The following ZBTB38 variants were observed in gnomAD, a reference collection of about 807,000 sequenced individuals.
ZBTB38 encodes zinc finger and BTB domain containing 38.
Under a neutral mutation model 76.8 loss-of-function variants are expected in ZBTB38, and 20 were observed. That is an observed-to-expected ratio of 0.26 (90% confidence interval 0.18 to 0.38). ZBTB38 has a LOEUF of 0.38. Among genes scored for constraint, ZBTB38 ranks in the 10% least tolerant of loss-of-function variants. The probability of loss-of-function intolerance (pLI) is 1.00; values close to 1 mark genes in which losing one functional copy is unlikely to be tolerated. For missense variants in ZBTB38, 1,082 were observed against 1,482.3 expected (o/e 0.73, Z 4.43); for synonymous variants, 504 against 544.2 (o/e 0.93, Z 1.03).
At chr3:141,419,711 G>A (rs987207215) in intron 5 of ZBTB38, among the ~76,000 whole-genome samples, 1 of 152,170 alleles carries the variant, frequency 6.6e-6, no homozygotes, top group Non-Finnish European at 1.5e-5. Flanking sequence ...TGTAGGCCAG[G>A]CACAGTGGCT....
At position 141,445,460 on chromosome 3, in the gene ZBTB38, A is replaced by G. The variant is rs2080990199; in HGVS notation, c.3072A>G (p.Thr1024=). The G allele has an allele frequency of 6.2e-7, 1 of 1,614,072 alleles. No individual in the cohort carries two copies. Among genetic ancestry groups the G allele is most frequent in the Non-Finnish European group, 8.5e-7 (1 of 1,180,006 alleles). The change falls in exon 6 of 6, where the codon ACA becomes ACG. Residue 1024 remains threonine (T), a synonymous_variant. Coordinates refer to ENST00000321464, the MANE Select transcript of ZBTB38 (RefSeq NM_001376113.1). This position sits in a 1 kb window ranked among gnomAD's most constrained non-coding sequence, Gnocchi z 6.5. ...LCAKQFQSPS[T]LKMHMRCHTG... ...CCAAGCAGTTCCAGAGCCCTTCCACACTCAAAATGCACATGAGATGTCACA... is the reference window on the plus strand; with the variant it reads ...CCAAGCAGTTCCAGAGCCCTTCCACGCTCAAAATGCACATGAGATGTCACA...
intron 1 of ZBTB38, among the ~76,000 whole-genome samples, chr3:141,341,969 G>A (rs1439822255): frequency 6.6e-6 from 1 of 152,166 alleles, no homozygotes; most frequent in Non-Finnish European, 1.5e-5. Context: ...ATTTCAGGGT[G>A]AAACGTTAGA....
chr3:141,426,220 A>G, intron 5 of ZBTB38: 2 of 1,287,678 alleles, frequency 1.6e-6, no homozygotes, highest in Non-Finnish European at 2.0e-6. Flanking sequence ...CGTGCGGACT[A>G]TATATCTTGG....
chr3:141,411,982 A>G (rs777965643), intron 5 of ZBTB38, among the ~76,000 whole-genome samples: 2 of 152,176 alleles, frequency 1.3e-5, no homozygotes, highest in Non-Finnish European at 2.9e-5. Context: ...CGTTTCTGAT[A>G]AGAAGATTTG....
In ZBTB38 at chr3:141,445,724, C is replaced by G; in HGVS notation, c.3336C>G (p.His1112Gln). 1 of 1,614,176 alleles carries G rather than the reference C, an allele frequency of 6.2e-7. No individual in the cohort carries two copies. Among genetic ancestry groups the G allele is most frequent in the Non-Finnish European group, 8.5e-7 (1 of 1,180,028 alleles). Residue 1112 changes from histidine (H) to glutamine (Q), a missense_variant, in exon 6 of 6, where the codon CAC (histidine) becomes CAG (glutamine). His to Gln is a conservative substitution (Grantham distance 24). Transcript: ENST00000321464. This position sits in a 1 kb window ranked among gnomAD's most constrained non-coding sequence, Gnocchi z 6.5. ...RFLYLSTKRN[H>Q]EQRHIREHNG... ...TGTATCTCTCCACCAAAAGGAATCACGAGCAGAGGCATATTCGGGAGCATA... is the reference window on the plus strand; with the variant it reads ...TGTATCTCTCCACCAAAAGGAATCAGGAGCAGAGGCATATTCGGGAGCATA...
chr3:141,342,123 G>A (rs561751688), intron 1 of ZBTB38, among the ~76,000 whole-genome samples: 1 of 152,082 alleles, frequency 6.6e-6, no homozygotes, highest in African/African-American at 2.4e-5. Flanking sequence ...TCAGGAGATC[G>A]AGACTATCCT....
At chr3:141,403,303 A>G (rs558552984) in intron 4 of ZBTB38, among the ~76,000 whole-genome samples, 2 of 152,378 alleles carry the variant, frequency 1.3e-5, no homozygotes, top group Admixed American at 1.3e-4. Context: ...TCAGATTCTC[A>G]TGGTTACAAA....
chr3:141,430,365 C>T (rs894538759), intron 5 of ZBTB38, among the ~76,000 whole-genome samples: 3 of 152,180 alleles, frequency 2.0e-5, no homozygotes, highest in African/African-American at 7.2e-5. Context: ...CCACGCCCGG[C>T]CTCATTTGTA....
At chr3:141,395,184 C>A (rs988590522) in intron 4 of ZBTB38, among the ~76,000 whole-genome samples, 21 of 152,178 alleles carry the variant, frequency 1.4e-4, no homozygotes, top group African/African-American at 4.8e-4. Flanking sequence ...TTGGGCATGG[C>A]AGAACAATTG....
chr3:141,332,888 G>A (rs1007630273), intron 1 of ZBTB38, among the ~76,000 whole-genome samples: 3 of 152,168 alleles, frequency 2.0e-5, no homozygotes, highest in Admixed American at 6.5e-5. Flanking sequence ...ATTCATACCC[G>A]ACATTCAGTG....
intron 4 of ZBTB38, among the ~76,000 whole-genome samples, chr3:141,398,543 G>T (rs1189070313): frequency 6.6e-6 from 1 of 151,940 alleles, no homozygotes; most frequent in Non-Finnish European, 1.5e-5. Flanking sequence ...AAAACTTTAT[G>T]AAAATCTTAA....
chr3:141,409,758 T>A (rs1416886425), intron 5 of ZBTB38, among the ~76,000 whole-genome samples: 1 of 152,246 alleles, frequency 6.6e-6, no homozygotes, highest in Non-Finnish European at 1.5e-5. Context: ...TGTCTTGCTA[T>A]AGCTGTCACT....
intron 5 of ZBTB38, among the ~76,000 whole-genome samples, chr3:141,421,504 G>A (rs912633150): frequency 6.6e-6 from 1 of 151,816 alleles, no homozygotes; most frequent in Non-Finnish European, 1.5e-5. Flanking sequence ...TTTTTGTTTT[G>A]TTTTGTTTTG....
chr3:141,407,647 T>G (rs561300200), intron 5 of ZBTB38, among the ~76,000 whole-genome samples: 1 of 152,210 alleles, frequency 6.6e-6, no homozygotes, highest in Non-Finnish European at 1.5e-5. Flanking sequence ...AGAATCCACC[T>G]GGGGAACTTG....
chr3:141,382,428 G>A (rs1946331584), intron 3 of ZBTB38, among the ~76,000 whole-genome samples: 1 of 152,198 alleles, frequency 6.6e-6, no homozygotes, highest in South Asian at 2.1e-4. Flanking sequence ...CTTATGAAGT[G>A]TGTGATCTTG....
intron 5 of ZBTB38, among the ~76,000 whole-genome samples, chr3:141,419,824 T>G (rs886645641): frequency 3.9e-5 from 6 of 152,032 alleles, no homozygotes; most frequent in African/African-American, 1.5e-4. Context: ...CCATCTCTAC[T>G]AAAAATACAA....
At chr3:141,388,455 A>G (rs1947802831) in intron 4 of ZBTB38, 1 of 152,192 alleles carries the variant, frequency 6.6e-6, no homozygotes, top group African/African-American at 2.4e-5. Context: ...TGGCCCTCTT[A>G]AAAGAAATAG....
intron 5 of ZBTB38, among the ~76,000 whole-genome samples, chr3:141,418,760 G>A (rs1438900206): frequency 6.6e-6 from 1 of 152,172 alleles, no homozygotes; most frequent in Non-Finnish European, 1.5e-5. Flanking sequence ...ATATTTGCTA[G>A]CTAAGGTCTC....
chr3:141,432,007 C>A, intron 5 of ZBTB38: 2 of 748,386 alleles, frequency 2.7e-6, no homozygotes, highest in Non-Finnish European at 3.3e-6. Flanking sequence ...AGATCTGATG[C>A]GTGTGTTTCT....
Sources: allele counts gnomAD v4.1 joint callset (sites outside exome capture counted in the v4.1 genomes callset), GRCh38; gene constraint gnomAD v4.1.1; non-coding constraint Gnocchi (gnomAD v3.1); transcripts MANE v1.5; gene names NCBI Gene and HGNC (gene_info 2026-07-23, HGNC 2026-07-21).